Variants in ZFHX3 observed in about 807,000 individuals in gnomAD.
The protein encoded by ZFHX3 is zinc finger homeobox protein 3.
In ZFHX3, 42 loss-of-function variants were observed where a neutral mutation model predicts 279.1. The ratio of observed to expected loss-of-function variants is 0.15; its 90% CI spans 0.12 to 0.19. ZFHX3 has a LOEUF of 0.19. Among genes scored for constraint, ZFHX3 ranks in the 10% least tolerant of loss-of-function variants. ZFHX3 has a pLI of 1.00. For synonymous variants in ZFHX3, 2,293 were observed against 1,957.8 expected (o/e 1.17, Z -4.52); for missense variants, 4,981 against 4,754.0 (o/e 1.05, Z -1.40).
intron 1 of ZFHX3, among the ~76,000 whole-genome samples, chr16:73,043,222 GC>G (rs1775817585): frequency 6.6e-6 from 1 of 152,136 alleles, no homozygotes; most frequent in Non-Finnish European, 1.5e-5. Flanking sequence ...GCCAGCTAAG[GC>G]CCCTCTGGAA....
At chr16:73,410,704 G>A (rs1056032771) in intron 3 of ZFHX3, among the ~76,000 whole-genome samples, 6 of 152,224 alleles carry the variant, frequency 3.9e-5, no homozygotes, top group Admixed American at 3.3e-4. Flanking sequence ...ACATCCAGTA[G>A]ATGGAGGAAG....
intron 1 of ZFHX3, among the ~76,000 whole-genome samples, chr16:72,960,657 G>A (rs1009890901): frequency 2.0e-5 from 3 of 152,192 alleles, no homozygotes; most frequent in African/African-American, 7.2e-5. Flanking sequence ...GAACACAGGG[G>A]AGGGCTGAGA....
At chr16:73,843,425 C>G (rs1433933484) in intron 1 of ZFHX3, among the ~76,000 whole-genome samples, 1 of 152,160 alleles carries the variant, frequency 6.6e-6, no homozygotes, top group East Asian at 1.9e-4. Flanking sequence ...AGAAACAAAG[C>G]CTTTGCCACT....
At chr16:73,314,348 C>CGATA (rs1282790982) in intron 4 of ZFHX3, among the ~76,000 whole-genome samples, 2 of 152,184 alleles carry the variant, frequency 1.3e-5, no homozygotes, top group Non-Finnish European at 2.9e-5. Flanking sequence ...CAGTTCCTTA[C>CGATA]GATAATTCTC....
At chr16:73,045,640 C>CATTATTATTATTATT (rs10602067) in intron 1 of ZFHX3, among the ~76,000 whole-genome samples, 10 of 142,992 alleles carry the variant, frequency 7.0e-5, no homozygotes, top group East Asian at 2.0e-4. Context: ...CATGGATTTA[C>CATTATTATTATTATT]ATTATTATTA....
intron 1 of ZFHX3, among the ~76,000 whole-genome samples, chr16:72,976,881 G>A (rs16971448): frequency 0.14 from 20,894 of 151,686 alleles, 1,779 homozygotes; most frequent in East Asian, 0.41. Flanking sequence ...GTTCAACTCC[G>A]CCAGTGCCCC....
At chr16:73,679,261 G>T (rs2052986194) in intron 2 of ZFHX3, among the ~76,000 whole-genome samples, 1 of 151,904 alleles carries the variant, frequency 6.6e-6, no homozygotes, top group African/African-American at 2.4e-5. Flanking sequence ...CCAAGTCCCT[G>T]CTCTTTTTTA....
intron 4 of ZFHX3, among the ~76,000 whole-genome samples, chr16:73,312,380 C>T (rs528376064): frequency 6.6e-6 from 1 of 152,066 alleles, no homozygotes; most frequent in South Asian, 2.1e-4. Flanking sequence ...CACATAACTT[C>T]CAAACACAAA....
intron 1 of ZFHX3, among the ~76,000 whole-genome samples, chr16:73,862,371 T>C (rs1041182742): frequency 1.3e-5 from 2 of 152,234 alleles, no homozygotes; most frequent in African/African-American, 2.4e-5. Flanking sequence ...ATTGGAAAGT[T>C]CTTGGTTACA....
chr16:72,881,542 G>A (rs2038470787), intron 4 of ZFHX3, among the ~76,000 whole-genome samples: 1 of 152,182 alleles, frequency 6.6e-6, no homozygotes, highest in South Asian at 2.1e-4. Context: ...CCAAGGTCGG[G>A]AACAAGTTTC....
chr16:73,560,643 T>G (rs989726312), intron 2 of ZFHX3, among the ~76,000 whole-genome samples: 1 of 152,192 alleles, frequency 6.6e-6, no homozygotes, highest in African/African-American at 2.4e-5. Context: ...TGGCCCAGAC[T>G]GGGGATTCAG....
At chr16:73,538,619 T>C (rs1373805515) in intron 2 of ZFHX3, among the ~76,000 whole-genome samples, 5 of 152,144 alleles carry the variant, frequency 3.3e-5, no homozygotes, top group Non-Finnish European at 5.9e-5. Flanking sequence ...AATGTCCCCA[T>C]CTCCCATGCA....
chr16:72,959,723 C>A lies in ZFHX3; in HGVS notation c.423G>T (p.Ala141=). The A allele has an allele frequency of 1.2e-6, 2 of 1,613,564 alleles. No individual in the cohort carries two copies. The highest frequency in any genetic ancestry group is 1.7e-6 in the Non-Finnish European group (2 of 1,179,782). The change falls in exon 2 of 10, where the codon GCG becomes GCT. Residue 141 remains alanine, a synonymous_variant. Coordinates refer to ENST00000268489, the MANE Select transcript of ZFHX3 (RefSeq NM_006885.4). ...GCTGGCTCAGGCTCTCCACAATGTA[C>A]GCGGAGCCGTCCGGCTGGTAGACGA... ...GEIVYQPDGS[A]YIVESLSQLT... is the part of the protein sequence containing the mutation.
chr16:72,896,598 A>G (rs1409781281), intron 3 of ZFHX3, among the ~76,000 whole-genome samples: 1 of 152,248 alleles, frequency 6.6e-6, no homozygotes, highest in Non-Finnish European at 1.5e-5. Flanking sequence ...ACTGAAAGTC[A>G]AAGAGACGAA....
intron 1 of ZFHX3, among the ~76,000 whole-genome samples, chr16:73,799,441 C>T (rs867857359): frequency 6.6e-6 from 1 of 152,152 alleles, no homozygotes; most frequent in Non-Finnish European, 1.5e-5. Context: ...TGAATTGAGG[C>T]AGGTTTCTTT....
At chr16:73,878,967 T>C (rs975784846) in intron 1 of ZFHX3, among the ~76,000 whole-genome samples, 41 of 140,568 alleles carry the variant, frequency 2.9e-4, no homozygotes, top group Non-Finnish European at 5.9e-4. Context: ...ATATATATAG[T>C]TGTGGAAACA....
rs546761843 is a variant in ZFHX3 at position 73,541,786 on chromosome 16, CTTTTTTT to C, written c.-1546-85535_-1546-85529del. 3.4e-3 allele frequency among the ~76,000 whole-genome samples: 300 copies of C among 88,128 alleles called. 2 individuals carry two copies. Among genetic ancestry groups the C allele is most frequent in the Non-Finnish European group, 5.4e-3 (243 of 44,698 alleles). The allele number at this position is 88,128 out of a possible 152,430, so 57.8% of individuals were successfully genotyped here. ...TCCTGCCCTCCTGTTTGGTGGTTCTCTTTTTTTTTTTTTTTTTTTTTTTTTTTTTTCC... is the reference window on the plus strand; with the variant it reads ...TCCTGCCCTCCTGTTTGGTGGTTCTCTTTTTTTTTTTTTTTTTTTTTTTCC... On this transcript the variant is annotated intron_variant, in intron 2 of 17. Coordinates refer to the ZFHX3 transcript ENST00000641206.
chr16:73,495,809 C>T (rs2143654929), intron 2 of ZFHX3, among the ~76,000 whole-genome samples: 1 of 152,334 alleles, frequency 6.6e-6, no homozygotes, highest in South Asian at 2.1e-4. Context: ...AGACAGAACA[C>T]TTCATATCCT....
intron 2 of ZFHX3, among the ~76,000 whole-genome samples, chr16:73,575,153 C>A (rs991183471): frequency 6.6e-6 from 1 of 152,222 alleles, no homozygotes; most frequent in Non-Finnish European, 1.5e-5. Context: ...CTCCTACCCA[C>A]CCCATAACAT....
Sources: gnomAD v4.1 joint callset for allele counts (sites outside exome capture counted in the v4.1 genomes callset) on GRCh38, gnomAD v4.1.1 for gene constraint, MANE v1.5 for transcripts, NCBI Gene and HGNC (gene_info 2026-07-23, HGNC 2026-07-21) for gene names.